The following POU6F1 variants were observed in gnomAD, a reference collection of about 807,000 sequenced individuals.
POU6F1 encodes the protein POU domain, class 6, transcription factor 1.
A neutral mutation model predicts 28.9 loss-of-function variants in POU6F1; 9 were observed. The observed-to-expected ratio is 0.31, with a 90% CI of 0.19 to 0.54. The LOEUF (loss-of-function observed/expected upper bound fraction) is 0.54, where lower values mean the gene tolerates loss of function less well. Ranked by LOEUF, POU6F1 falls within the 20% of genes least tolerant of loss-of-function variation. POU6F1 has a pLI of 0.94. For missense variants in POU6F1, 338 were observed against 426.1 expected, an observed-to-expected ratio of 0.79 and a Z score of 1.82; for synonymous variants, 173 against 171.1, an observed-to-expected ratio of 1.01 and a Z score of -0.09.
At chr12:51,192,676 G>A (rs1345390224) in intron 8 of POU6F1, among the ~76,000 whole-genome samples, 1 of 152,154 alleles carries the variant, frequency 6.6e-6, no homozygotes, top group Non-Finnish European at 1.5e-5. Flanking sequence ...AAGCCAAGGC[G>A]GGAGGATCAC....
chr12:51,200,764 T>G (rs1186961145), intron 3 of POU6F1, among the ~76,000 whole-genome samples: 1 of 152,186 alleles, frequency 6.6e-6, no homozygotes, highest in African/African-American at 2.4e-5. Flanking sequence ...TTCTGCTCAC[T>G]GCAATCTCTG....
At chr12:51,207,081 T>C (rs1285705149) in intron 1 of POU6F1, 198 bp from the exon 2 acceptor site, 2 of 299,242 alleles carry the variant, frequency 6.7e-6, no homozygotes, top group African/African-American at 4.3e-5. Context: ...TGGAGTGCAG[T>C]GGCACGATCT....
At chr12:51,216,162 C>CA (rs1400979434) in intron 1 of POU6F1, among the ~76,000 whole-genome samples, 1 of 151,800 alleles carries the variant, frequency 6.6e-6, no homozygotes, top group East Asian at 1.9e-4. Flanking sequence ...TACTAAGATA[C>CA]AAAAAAATCA....
At chr12:51,194,417 G>A (rs1471391399) in intron 8 of POU6F1, among the ~76,000 whole-genome samples, 1 of 152,098 alleles carries the variant, frequency 6.6e-6, no homozygotes, top group Non-Finnish European at 1.5e-5. Context: ...GAGGTGGGCT[G>A]ATCACTTGAG....
At chr12:51,213,646 G>A (rs1179577296) in intron 1 of POU6F1, among the ~76,000 whole-genome samples, 1 of 151,974 alleles carries the variant, frequency 6.6e-6, no homozygotes, top group East Asian at 2.0e-4. Flanking sequence ...CGATTCTCCT[G>A]CCTCAACCTC....
rs1304267571 is a variant in POU6F1, at chr12:51,196,012, A to T, written c.1137T>A (p.Ala379=). 5 of 1,416,552 alleles carry T rather than the reference A, an allele frequency of 3.5e-6. No individual in the cohort carries two copies. In the Admixed American group the frequency reaches 9.5e-5, roughly 27 times the overall value. 87.7% of individuals were successfully genotyped at this position (1,416,552 alleles called of 1,614,324 possible). A position where few individuals can be genotyped will look rare whatever the true frequency, so the allele number is the denominator to read the frequency against. The change falls in exon 8 of 11, where the codon GCT becomes GCA. Residue 379 remains alanine, a synonymous_variant. Transcript: ENST00000333640. The part of the protein sequence containing the change: ...LASSPLPPPV[A]VRKPSTPESP... ...ACTCAGGTGTGCTTGGCTTCCGGAC[A>T]GCCACAGGTGGAGGCAGGGGGCTGC...
rs760392195 is a variant in POU6F1, at chr12:51,192,447, TTGG to T, written c.1201_1203del (p.Pro401del). The T allele has an allele frequency of 1.2e-6, 2 of 1,613,408 alleles. No individual in the cohort carries two copies. Among genetic ancestry groups the T allele is most frequent in the Non-Finnish European group, 1.7e-6 (2 of 1,179,956 alleles). On this transcript the variant is annotated inframe_deletion, in exon 9 of 11. Coordinates refer to ENST00000333640, the MANE Select transcript of POU6F1 (RefSeq NM_001330422.2). Reference sequence around the variant, plus strand: ...ATGACCACAGCAGGCTGGGGCACGGTTGGTGTGGGCTGGATGGGCTGCACCTGT... The same window carrying T: ...ATGACCACAGCAGGCTGGGGCACGGTTGTGGGCTGGATGGGCTGCACCTGT...
At chr12:51,206,239 C>T (rs1484183391) in intron 2 of POU6F1, among the ~76,000 whole-genome samples, 19 of 150,804 alleles carry the variant, frequency 1.3e-4, no homozygotes, top group African/African-American at 2.9e-4. Flanking sequence ...CTGGCTAACA[C>T]GGTGAAACCC....
In POU6F1 at chr12:51,189,798, T is replaced by C. The variant is rs1269629419; in HGVS notation, c.*449A>G. On this transcript the variant is annotated 3_prime_UTR_variant, in exon 11 of 11. Coordinates refer to ENST00000333640, the MANE Select transcript of POU6F1 (RefSeq NM_001330422.2). The stretch of plus-strand genomic sequence containing the variant: ...TGAGGCTGTGTTTCCACTGGATGAG[T>C]TGTCATACCTGCCACACTAACACAG... 5.6e-6 allele frequency: 1 copy of C among 178,096 alleles called. No homozygotes were observed. Among genetic ancestry groups the C allele is most frequent in the Non-Finnish European group, 1.2e-5 (1 of 82,098 alleles). The allele number at this position is 178,096 out of a possible 1,614,324, so 11.0% of individuals were successfully genotyped here. A position where few individuals can be genotyped will look rare whatever the true frequency, so the allele number is the denominator to read the frequency against.
chr12:51,211,298 G>A (rs1010633998), intron 1 of POU6F1, among the ~76,000 whole-genome samples: 1 of 152,176 alleles, frequency 6.6e-6, no homozygotes, highest in African/African-American at 2.4e-5. Context: ...GTTAAAGCTG[G>A]GGAGAGAGCC....
chr12:51,213,519 C>G (rs1443546337), intron 1 of POU6F1, among the ~76,000 whole-genome samples: 1 of 151,834 alleles, frequency 6.6e-6, no homozygotes, highest in Non-Finnish European at 1.5e-5. Flanking sequence ...TGGCCCATTT[C>G]TATGGTTTAT....
chr12:51,201,165 G>T (rs75231493), intron 3 of POU6F1, among the ~76,000 whole-genome samples: 8,298 of 152,186 alleles, frequency 0.055, 730 homozygotes, highest in African/African-American at 0.18. Flanking sequence ...AACCGCAAAG[G>T]TTCTGTCCAA....
At chr12:51,214,330 T>C (rs1944177124) in intron 1 of POU6F1, among the ~76,000 whole-genome samples, 1 of 152,064 alleles carries the variant, frequency 6.6e-6, no homozygotes, top group Non-Finnish European at 1.5e-5. Flanking sequence ...TCAGGTGACT[T>C]GACCAAGGGC....
At chr12:51,200,963 G>A (rs927436968) in intron 3 of POU6F1, among the ~76,000 whole-genome samples, 9 of 152,232 alleles carry the variant, frequency 5.9e-5, no homozygotes, top group Non-Finnish European at 1.2e-4. Flanking sequence ...GAAGTGCTGG[G>A]ATTACAGGCA....
intron 8 of POU6F1, among the ~76,000 whole-genome samples, chr12:51,193,891 G>C (rs1311543415): frequency 6.6e-6 from 1 of 152,110 alleles, no homozygotes. Flanking sequence ...CTGTTTCCTG[G>C]ATTCTACCCC....
intron 5 of POU6F1, 44 bp downstream of exon 5, chr12:51,198,506 G>C: frequency 2.5e-6 from 1 of 398,904 alleles, no homozygotes; most frequent in East Asian, 3.6e-5. Flanking sequence ...GGGTGTAGTA[G>C]AGGGTGGGGG....
rs1245264543 is a variant in POU6F1, at chr12:51,196,187, A to C, written c.976-14T>G. On this transcript the variant is annotated splice_polypyrimidine_tract_variant and intron_variant, in intron 7 of 10. Coordinates refer to ENST00000333640, the MANE Select transcript of POU6F1 (RefSeq NM_001330422.2). ...GGTTCCAATAACCTGGGAGGAAATA[A>C]GGCAGGGACCCCAGGTGTGAGGGTA... The C allele has an allele frequency of 6.7e-7, 1 of 1,490,734 alleles. No individual in the cohort carries two copies. Among genetic ancestry groups the C allele is most frequent in the South Asian group, 1.4e-5 (1 of 71,460 alleles). 92.3% of individuals were successfully genotyped at this position (1,490,734 alleles called of 1,614,324 possible). A position where few individuals can be genotyped will look rare whatever the true frequency, so the allele number is the denominator to read the frequency against.
At chr12:51,205,818 C>CTTTT (rs779988625) in intron 2 of POU6F1, among the ~76,000 whole-genome samples, 9 of 135,990 alleles carry the variant, frequency 6.6e-5, no homozygotes, top group African/African-American at 8.0e-5. Context: ...TCTTTTCTTT[C>CTTTT]TTTTTTTTTT....
At chr12:51,212,305 G>A (rs1944050989) in intron 1 of POU6F1, among the ~76,000 whole-genome samples, 1 of 151,706 alleles carries the variant, frequency 6.6e-6, no homozygotes, top group Non-Finnish European at 1.5e-5. Flanking sequence ...TGTTGGCCAG[G>A]CTGGTCTCGA....
Sources: allele counts gnomAD v4.1 joint callset (sites outside exome capture counted in the v4.1 genomes callset), GRCh38; gene constraint gnomAD v4.1.1; transcripts MANE v1.5; gene names NCBI Gene and HGNC (gene_info 2026-07-23, HGNC 2026-07-21).